Variants in CDH23 observed in about 807,000 individuals in gnomAD.
The protein encoded by CDH23 is cadherin-23.
CDH23 carries 189 observed loss-of-function variants against 317.1 expected under a neutral mutation model. The ratio of observed to expected loss-of-function variants is 0.60; its 90% CI spans 0.53 to 0.67. CDH23 has a LOEUF of 0.67. Among genes scored for constraint, CDH23 ranks in the 30% least tolerant of loss-of-function variants. The pLI is 0.00. For missense variants in CDH23, 4,401 were observed against 4,592.4 expected (o/e 0.96, Z 1.20); for synonymous variants, 1,839 against 1,876.8 (o/e 0.98, Z 0.52).
At chr10:71,435,459 A>C (rs530221951) in intron 1 of CDH23, among the ~76,000 whole-genome samples, 23 of 152,294 alleles carry the variant, frequency 1.5e-4, no homozygotes, top group Middle Eastern at 3.4e-3. Context: ...GTTTGGCATG[A>C]AGGAGAATGT....
intron 22 of CDH23, among the ~76,000 whole-genome samples, chr10:71,701,295 G>C (rs1220409784): frequency 6.6e-6 from 1 of 152,208 alleles, no homozygotes; most frequent in Non-Finnish European, 1.5e-5. Context: ...GGTGCACGCA[G>C]GGGGCCTCGG....
Position 71,778,189 on chromosome 10 carries a change from G to A in CDH23, c.5068G>A (p.Gly1690Ser). The A allele has an allele frequency of 3.7e-6, 6 of 1,613,750 alleles. No homozygotes were observed. The highest frequency in any genetic ancestry group is 5.1e-6 in the Non-Finnish European group (6 of 1,179,862). Residue 1690 changes from glycine (G) to serine (S), a missense_variant and splice_region_variant, in exon 40 of 70, where the codon GGT becomes AGT. Physicochemically the swap from Gly to Ser is moderately conservative, Grantham distance 56 (BLOSUM62 0). Coordinates refer to ENST00000224721, the MANE Select transcript of CDH23 (RefSeq NM_022124.6). ...VNTFRIDRHM[G>S]VITAAKELDY... ...CTTGTCCCTTCCCTGTGTCCCCCAGGGTGTCATCACTGCTGCCAAAGAGCT... is the reference window on the plus strand; with the variant it reads ...CTTGTCCCTTCCCTGTGTCCCCCAGAGTGTCATCACTGCTGCCAAAGAGCT...
In CDH23 at chr10:71,704,923, G is replaced by A. The variant is rs1318444606; in HGVS notation, c.2746G>A (p.Asp916Asn). The change falls in exon 25 of 70, where the codon GAC becomes AAC. Residue 916 changes from aspartate to asparagine, a missense_variant. By Grantham distance (23) the Asp-to-Asn change is conservative. Around this residue, in one of 3 missense-constraint regions of CDH23, gnomAD observed 3,068 missense variants for 3,203.3 expected, o/e 0.96. Coordinates refer to ENST00000224721, the MANE Select transcript of CDH23 (RefSeq NM_022124.6). ...TCCTTGCCCTCAGGTGGTGGCCATC[G>A]ACCTCGATGAGGGCCTGAACGGCCT... ...GVSIYQVVAI[D>N]LDEGLNGLVS... is the part of the protein sequence containing the mutation. 23 of 1,612,216 alleles carry A rather than the reference G, an allele frequency of 1.4e-5. No individual in the cohort carries two copies. Among genetic ancestry groups the A allele is most frequent in the East Asian group, 2.2e-5 (1 of 44,858 alleles).
chr10:71,677,384 A>T, intron 15 of CDH23, 72 bp from the exon 16 acceptor site: 1 of 1,243,878 alleles, frequency 8.0e-7, no homozygotes, highest in Non-Finnish European at 1.1e-6. Flanking sequence ...CAGGCTGGGA[A>T]ATGCCGGCCC....
chr10:71,809,839 G>A lies in CDH23; in HGVS notation c.8742G>A (p.Leu2914=). The change falls in exon 61 of 70, where the codon CTG becomes CTA. Residue 2914 remains leucine, a synonymous_variant. Coordinates refer to ENST00000224721, the MANE Select transcript of CDH23 (RefSeq NM_022124.6). ...VFTMGSMDGI[L]RTFDLFMAYS... The stretch of plus-strand genomic sequence containing the variant: ...CTGCAGGGAGCATGGACGGCATTCT[G>A]CGCACCTTCGACCTCTTCATGGCCT... 6.2e-7 allele frequency: 1 copy of A among 1,612,860 alleles called. No homozygotes were observed. The highest frequency in any genetic ancestry group is 1.1e-5 in the South Asian group (1 of 91,076).
At chr10:71,416,128 A>G (rs924170185) in intron 1 of CDH23, among the ~76,000 whole-genome samples, 6 of 152,104 alleles carry the variant, frequency 3.9e-5, no homozygotes, top group Non-Finnish European at 5.9e-5. Flanking sequence ...AGGTTCAAGC[A>G]ATTCTCCTGC....
intron 9 of CDH23, among the ~76,000 whole-genome samples, chr10:71,590,242 C>A (rs1564673244): frequency 6.6e-6 from 1 of 152,266 alleles, no homozygotes; most frequent in Admixed American, 6.5e-5. Context: ...GATTTCAGAG[C>A]AGATATTTTC....
intron 9 of CDH23, among the ~76,000 whole-genome samples, chr10:71,613,934 C>A (rs1219021539): frequency 2.0e-5 from 3 of 152,184 alleles, no homozygotes; most frequent in Non-Finnish European, 2.9e-5. Context: ...TATTTTGTGC[C>A]GGGGATGGTC....
At chr10:71,618,660 CCT>C (rs1320894907) in intron 11 of CDH23, among the ~76,000 whole-genome samples, 1 of 152,162 alleles carries the variant, frequency 6.6e-6, no homozygotes, top group Non-Finnish European at 1.5e-5. Context: ...TCGGGAGAGC[CCT>C]CTCTACTCTG....
chr10:71,591,509 C>A (rs1859491601), intron 9 of CDH23, among the ~76,000 whole-genome samples: 2 of 152,100 alleles, frequency 1.3e-5, no homozygotes, highest in Non-Finnish European at 2.9e-5. Flanking sequence ...ACGACACAGG[C>A]TCATCTCCCC....
chr10:71,489,007 CTT>C (rs930013202), intron 3 of CDH23, among the ~76,000 whole-genome samples: 1 of 152,124 alleles, frequency 6.6e-6, no homozygotes, highest in Non-Finnish European at 1.5e-5. Context: ...CTTTGGTTGC[CTT>C]TAAAATACTC....
rs1852679382 is a variant in CDH23, at chr10:71,491,852, C to A, written c.146-18230C>A. Among the ~76,000 whole-genome samples the A allele has an allele frequency of 2.6e-5, 4 of 152,318 alleles. No homozygotes were observed. In the South Asian group the frequency reaches 8.3e-4, roughly 32 times the overall value. ...TGGAGGGCACTTGGTGGGTCTAAGG[C>A]CCTGTTCAGCTCTGACGTTCTGCGA... is the stretch of plus-strand genomic sequence containing the variant. On this transcript the variant is annotated intron_variant, in intron 3 of 69. Coordinates refer to ENST00000224721, the MANE Select transcript of CDH23 (RefSeq NM_022124.6).
chr10:71,690,430 GAGC>G, intron 19 of CDH23, 35 bp from the exon 20 acceptor site: 4 of 1,493,598 alleles, frequency 2.7e-6, no homozygotes, highest in Non-Finnish European at 3.7e-6. Context: ...GGCCCAGGGT[GAGC>G]AGCACCCCCT....
At chr10:71,611,241 G>A (rs1360271480) in intron 9 of CDH23, among the ~76,000 whole-genome samples, 1 of 152,198 alleles carries the variant, frequency 6.6e-6, no homozygotes, top group East Asian at 1.9e-4. Flanking sequence ...AGCGAGGCAG[G>A]GATGTGGAGT....
At chr10:71,783,450 G>A (rs77868883) in intron 41 of CDH23, among the ~76,000 whole-genome samples, 3,551 of 152,316 alleles carry the variant, frequency 0.023, 125 homozygotes, top group African/African-American at 0.082. Context: ...TTCACTTGCT[G>A]CAGGAGTGCA....
intron 32 of CDH23, 97 bp downstream of exon 32, chr10:71,732,472 A>G (rs1839425642): frequency 1.3e-6 from 2 of 1,508,130 alleles, no homozygotes; most frequent in South Asian, 1.2e-5. Flanking sequence ...TTGTCATAAA[A>G]TGTCCTTGAG....
intron 11 of CDH23, among the ~76,000 whole-genome samples, chr10:71,627,927 C>T (rs1397116633): frequency 6.6e-6 from 1 of 152,194 alleles, no homozygotes; most frequent in Non-Finnish European, 1.5e-5. Context: ...CTCTCCCCAG[C>T]ACCTCTTGGC....
intron 3 of CDH23, among the ~76,000 whole-genome samples, chr10:71,460,131 G>A (rs1417435982): frequency 2.6e-5 from 4 of 152,356 alleles, no homozygotes; most frequent in African/African-American, 9.6e-5. Context: ...CTGCTGAGCT[G>A]AATTCAAGCC....
At chr10:71,774,403 TC>T (rs918368080) in intron 38 of CDH23, among the ~76,000 whole-genome samples, 40 of 152,250 alleles carry the variant, frequency 2.6e-4, no homozygotes, top group African/African-American at 7.7e-4. Context: ...TCCTCCCACT[TC>T]ACGAAATGTC....
Sources: allele counts gnomAD v4.1 joint callset (sites outside exome capture counted in the v4.1 genomes callset), GRCh38; gene constraint gnomAD v4.1.1; regional missense constraint gnomAD v4.1.1; transcripts MANE v1.5; gene names NCBI Gene and HGNC (gene_info 2026-07-23, HGNC 2026-07-21).